TOX3: variants seen among roughly 807,000 people sequenced by gnomAD.
TOX3 encodes CAG trinucleotide repeat-containing gene F9 protein.
Under a neutral mutation model 64.3 loss-of-function variants are expected in TOX3, and 22 were observed. The ratio of observed to expected loss-of-function variants is 0.34; its 90% CI spans 0.24 to 0.49. TOX3 has a LOEUF of 0.49. Ranked by LOEUF, TOX3 falls within the 20% of genes least tolerant of loss-of-function variation. The pLI, the probability that TOX3 is intolerant of heterozygous loss-of-function variation, is 0.99. For synonymous variants in TOX3, 291 were observed against 273.6 expected (o/e 1.06, Z -0.63); for missense variants, 661 against 714.4 (o/e 0.93, Z 0.85).
At chr16:52,480,984 TC>T (rs2151448954) in intron 1 of TOX3, among the ~76,000 whole-genome samples, 1 of 152,056 alleles carries the variant, frequency 6.6e-6, no homozygotes, top group South Asian at 2.1e-4. Flanking sequence ...GGCCAGGGTG[TC>T]ACTAAACATC....
At chr16:52,440,748 CTTTCTTTT>C (rs1959947075) in intron 6 of TOX3, among the ~76,000 whole-genome samples, 2 of 89,456 alleles carry the variant, frequency 2.2e-5, no homozygotes, top group South Asian at 4.8e-4. Flanking sequence ...ATTTTTCTTT[CTTTCTTTT>C]TTTTTTTTTT....
Position 52,547,065 on chromosome 16 carries a change from G to C in TOX3, c.-342C>G. ...GAGTTCAGGTGCGCTGGGCGAGGCT[G>C]GGACGGCGGCGGCGGCGGCGGCTGG... On this transcript the variant is annotated 5_prime_UTR_variant, in exon 1 of 7. Transcript: ENST00000219746. 1.7e-6 allele frequency: 1 copy of C among 588,662 alleles called. No individual in the cohort carries two copies. Among genetic ancestry groups the C allele is most frequent in the South Asian group, 6.9e-5 (1 of 14,486 alleles). The allele number at this position is 588,662 out of a possible 1,614,324, so 36.5% of individuals were successfully genotyped here. A position where few individuals can be genotyped will look rare whatever the true frequency, so the allele number is the denominator to read the frequency against.
chr16:52,504,290 C>A (rs1962092822), intron 1 of TOX3, among the ~76,000 whole-genome samples: 1 of 151,904 alleles, frequency 6.6e-6, no homozygotes, highest in Non-Finnish European at 1.5e-5. Flanking sequence ...GACGGTGAAA[C>A]CCCGTCTCTA....
intron 4 of TOX3, among the ~76,000 whole-genome samples, chr16:52,447,903 T>C (rs1960210254): frequency 6.6e-6 from 1 of 152,160 alleles, no homozygotes. Flanking sequence ...TCTGGCACTG[T>C]TAGTGCCACA....
intron 1 of TOX3, among the ~76,000 whole-genome samples, chr16:52,504,163 A>G (rs902864602): frequency 1.3e-5 from 2 of 152,126 alleles, no homozygotes; most frequent in Non-Finnish European, 2.9e-5. Context: ...GTATTTTCCC[A>G]TAAGAAGTTC....
intron 1 of TOX3, among the ~76,000 whole-genome samples, chr16:52,482,226 T>A (rs1961388502): frequency 6.6e-6 from 1 of 152,168 alleles, no homozygotes; most frequent in Non-Finnish European, 1.5e-5. Flanking sequence ...TTATATAAAA[T>A]AACCATGAAT....
At chr16:52,482,502 CA>C (rs1961395389) in intron 1 of TOX3, among the ~76,000 whole-genome samples, 1 of 152,088 alleles carries the variant, frequency 6.6e-6, no homozygotes, top group Non-Finnish European at 1.5e-5. Context: ...GGAGGAAAAA[CA>C]GATGTAAAAG....
intron 1 of TOX3, among the ~76,000 whole-genome samples, chr16:52,517,095 G>A (rs45483592): frequency 6.6e-6 from 1 of 152,106 alleles, no homozygotes; most frequent in Non-Finnish European, 1.5e-5. Flanking sequence ...GTTAAGAAAT[G>A]AGTACAAAAA....
chr16:52,475,927 G>C (rs1186243333), intron 1 of TOX3, among the ~76,000 whole-genome samples: 1 of 152,114 alleles, frequency 6.6e-6, no homozygotes, highest in Non-Finnish European at 1.5e-5. Flanking sequence ...GAACTCCAAA[G>C]CACTCTAATA....
chr16:52,519,381 A>G, intron 1 of TOX3: 1 of 1,549,642 alleles, frequency 6.5e-7, no homozygotes, highest in Non-Finnish European at 8.7e-7. Context: ...TCCATTAGAA[A>G]CCTCACCAGA....
rs1459747658 is a variant in TOX3, at chr16:52,436,909, A to G, written c.*2316T>C. On this transcript the variant is annotated 3_prime_UTR_variant, in exon 7 of 7. Coordinates refer to ENST00000219746, the MANE Select transcript of TOX3 (RefSeq NM_001080430.4). ...AGAACTAATACACAATTACTGTCAC[A>G]TGTAGTTTAGCAATTAATTTTGAAG... The G allele has an allele frequency of 5.3e-5, 8 of 152,228 alleles. No homozygotes were observed. Among genetic ancestry groups the G allele is most frequent in the Non-Finnish European group, 1.5e-5 (1 of 68,034 alleles). 9.4% of individuals were successfully genotyped at this position (152,228 alleles called of 1,614,324 possible).
At chr16:52,501,812 A>C (rs1962011220) in intron 1 of TOX3, among the ~76,000 whole-genome samples, 1 of 152,196 alleles carries the variant, frequency 6.6e-6, no homozygotes, top group African/African-American at 2.4e-5. Flanking sequence ...CCTTTTAAGA[A>C]GCCTCCCTAT....
intron 1 of TOX3, among the ~76,000 whole-genome samples, chr16:52,516,743 T>G (rs562621783): frequency 6.6e-6 from 1 of 152,298 alleles, no homozygotes; most frequent in East Asian, 1.9e-4. Flanking sequence ...GAAGAGCAGA[T>G]CAGTGGCTGG....
At chr16:52,458,649 G>T (rs2151751924) in intron 3 of TOX3, among the ~76,000 whole-genome samples, 1 of 152,274 alleles carries the variant, frequency 6.6e-6, no homozygotes, top group South Asian at 2.1e-4. Flanking sequence ...GTCTAATTAG[G>T]TTTAGTAGAA....
At chr16:52,450,049 A>G (rs992743553) in intron 4 of TOX3, among the ~76,000 whole-genome samples, 2 of 152,232 alleles carry the variant, frequency 1.3e-5, no homozygotes, top group African/African-American at 4.8e-5. Context: ...TAACATGTCC[A>G]ATGCCTTACA....
chr16:52,494,391 T>TC (rs1184428188), intron 1 of TOX3, among the ~76,000 whole-genome samples: 1 of 152,140 alleles, frequency 6.6e-6, no homozygotes, highest in African/African-American at 2.4e-5. Flanking sequence ...CCGGCCTGGG[T>TC]CCCTCCTCCA....
At chr16:52,492,564 A>AAT (rs56848244) in intron 1 of TOX3, among the ~76,000 whole-genome samples, 13,228 of 90,536 alleles carry the variant, frequency 0.15, 1,001 homozygotes, top group Admixed American at 0.19. Context: ...GTTGTATATA[A>AAT]ATATATATAT....
At chr16:52,537,687 C>G (rs145477161) in intron 1 of TOX3, among the ~76,000 whole-genome samples, 1 of 152,042 alleles carries the variant, frequency 6.6e-6, no homozygotes, top group East Asian at 1.9e-4. Flanking sequence ...CCAGCTCCCC[C>G]ACTGGTATGC....
intron 1 of TOX3, among the ~76,000 whole-genome samples, chr16:52,531,278 A>G (rs1421097520): frequency 6.6e-6 from 1 of 152,226 alleles, no homozygotes; most frequent in Non-Finnish European, 1.5e-5. Context: ...AAAGGCAGGC[A>G]ATCCTAGTTT....
Sources: allele counts gnomAD v4.1 joint callset (sites outside exome capture counted in the v4.1 genomes callset), GRCh38; gene constraint gnomAD v4.1.1; transcripts MANE v1.5; gene names NCBI Gene and HGNC (gene_info 2026-07-23, HGNC 2026-07-21).